Variants in PBRM1 observed in about 807,000 individuals in gnomAD.
PBRM1 encodes protein polybromo-1.
PBRM1 carries 27 observed loss-of-function variants against 194.5 expected under a neutral mutation model. That is an observed-to-expected ratio of 0.14 (90% CI 0.10 to 0.19). The LOEUF (loss-of-function observed/expected upper bound fraction) is 0.19. Among genes scored for constraint, PBRM1 ranks in the 10% least tolerant of loss-of-function variants. PBRM1 has a pLI of 1.00. For missense variants in PBRM1, 1,466 were observed against 2,077.2 expected (o/e 0.71, Z 5.72); for synonymous variants, 655 against 693.2 (o/e 0.94, Z 0.87).
intron 6 of PBRM1, among the ~76,000 whole-genome samples, chr3:52,651,364 AAAC>A (rs2096488030): frequency 6.6e-6 from 1 of 152,202 alleles, no homozygotes; most frequent in Admixed American, 6.5e-5. Flanking sequence ...AGATAAAAAT[AAAC>A]AACAGGTTAC....
exon 7 of PBRM1, chr3:52,648,441 T>C (rs2096390719): frequency 6.4e-7 from 1 of 1,573,044 alleles, no homozygotes; most frequent in Admixed American, 1.7e-5. Flanking sequence ...GTAGCTTCCA[T>C]TCTACAATAA....
In PBRM1 at chr3:52,632,686, C is replaced by CTT. The variant is rs767428790; in HGVS notation, c.1301+1914_1301+1915dup. Among the ~76,000 whole-genome samples the CTT allele has an allele frequency of 1.7e-4, 24 of 138,636 alleles. No individual in the cohort carries two copies. The East Asian group carries it at 1.9e-3, about 11-fold the overall frequency. 91.0% of individuals were successfully genotyped at this position (138,636 alleles called of 152,430 possible). On this transcript the variant is annotated intron_variant, in intron 11 of 29. Transcript: ENST00000296302. Reference sequence around the variant, plus strand: ...ATAACACAAAACTTACCACCTTGACCTTTTTTTTTTTTTTTTTTAAGAGAT... The same window carrying CTT: ...ATAACACAAAACTTACCACCTTGACCTTTTTTTTTTTTTTTTTTTTAAGAGAT...
chr3:52,685,862 C>T, upstream of PBRM1: 1 of 517,668 alleles, frequency 1.9e-6, no homozygotes, highest in South Asian at 2.4e-5. Flanking sequence ...GCCGTCGCTT[C>T]GGCACCCGCC....
At chr3:52,652,643 T>G (rs1015875409) in intron 5 of PBRM1, among the ~76,000 whole-genome samples, 3 of 150,456 alleles carry the variant, frequency 2.0e-5, no homozygotes, top group African/African-American at 7.4e-5. Context: ...CGAGCCGAGA[T>G]CATGCCACTG....
chr3:52,587,569 A>AT, intron 18 of PBRM1, 59 bp from the exon 21 acceptor site: 1 of 969,374 alleles, frequency 1.0e-6, no homozygotes. Context: ...AACAGAAATC[A>AT]CTTTTTTTTT....
At chr3:52,589,879 A>G (rs1287399700) in intron 17 of PBRM1, among the ~76,000 whole-genome samples, 1 of 152,050 alleles carries the variant, frequency 6.6e-6, no homozygotes, top group Non-Finnish European at 1.5e-5. Flanking sequence ...CCCAGGCTGG[A>G]GTGCAATGGC....
intron 17 of PBRM1, among the ~76,000 whole-genome samples, chr3:52,600,604 T>C (rs1338169558): frequency 2.0e-5 from 3 of 152,328 alleles, no homozygotes; most frequent in Non-Finnish European, 2.9e-5. Context: ...CTAAGAATTA[T>C]CTTGTATCAA....
chr3:52,640,461 G>A (rs572943523), intron 10 of PBRM1, among the ~76,000 whole-genome samples: 25 of 152,050 alleles, frequency 1.6e-4, no homozygotes, highest in Non-Finnish European at 2.4e-4. Flanking sequence ...TGTAGAGACA[G>A]CGTTTTGCCA....
At chr3:52,627,857 T>TATTC (rs999504324) in intron 12 of PBRM1, among the ~76,000 whole-genome samples, 4 of 152,336 alleles carry the variant, frequency 2.6e-5, no homozygotes, top group Admixed American at 2.0e-4. Context: ...GCTTAGGGAA[T>TATTC]GTACAGAGTA....
At chr3:52,586,748 C>CAAAAAAAAA (rs35352950) in intron 19 of PBRM1, 60 bp from the exon 22 acceptor site, 130 of 183,736 alleles carry the variant, frequency 7.1e-4, no homozygotes, top group Non-Finnish European at 8.7e-4. Flanking sequence ...GAAAATCAAT[C>CAAAAAAAAA]AAAAAAAAAA....
intron 4 of PBRM1, among the ~76,000 whole-genome samples, chr3:52,659,459 T>A (rs1316476775): frequency 6.6e-6 from 1 of 152,204 alleles, no homozygotes. Flanking sequence ...CCCCACTCTG[T>A]TGCCCAGGTT....
At chr3:52,571,972 A>G (rs143628294) in intron 22 of PBRM1, among the ~76,000 whole-genome samples, 106 of 149,784 alleles carry the variant, frequency 7.1e-4, no homozygotes, top group African/African-American at 2.4e-3. Flanking sequence ...CAGGAGTTGG[A>G]GGCTGCAGTG....
exon 1 of PBRM1, chr3:52,679,649 A>C (rs2097170522): frequency 6.2e-7 from 1 of 1,614,038 alleles, no homozygotes; most frequent in Non-Finnish European, 8.5e-7. Flanking sequence ...AATGGTGCCC[A>C]TCATCAAAGT....
At position 52,579,047 on chromosome 3, in the gene PBRM1, C is replaced by T. The variant is rs2153684289; in HGVS notation, c.3533+7G>A. 6.2e-7 allele frequency: 1 copy of T among 1,613,910 alleles called. No homozygotes were observed. Among genetic ancestry groups the T allele is most frequent in the South Asian group, 1.1e-5 (1 of 91,074 alleles). ...AACCTCATCTTCCCTAATTCAATGA[C>T]ACTCACCTGCCCACACGAGGACGCA... On this transcript the variant is annotated splice_region_variant and intron_variant, in intron 21 of 29. Coordinates refer to ENST00000296302, the Ensembl canonical transcript of PBRM1.
chr3:52,584,835 C>A (rs2092111712), intron 20 of PBRM1, among the ~76,000 whole-genome samples: 1 of 152,030 alleles, frequency 6.6e-6, no homozygotes, highest in South Asian at 2.1e-4. Context: ...TATTAAGTAA[C>A]ACTAGAACAG....
intron 25 of PBRM1, among the ~76,000 whole-genome samples, chr3:52,558,974 G>A (rs540620235): frequency 2.0e-5 from 3 of 152,134 alleles, no homozygotes; most frequent in Non-Finnish European, 4.4e-5. Flanking sequence ...GCCTCCTTCA[G>A]AAGGTTTTAG....
intron 17 of PBRM1, among the ~76,000 whole-genome samples, chr3:52,592,915 T>C (rs757958300): frequency 1.1e-4 from 16 of 152,380 alleles, no homozygotes; most frequent in Non-Finnish European, 2.2e-4. Context: ...AATTTATCCA[T>C]TTCTTCTAGA....
chr3:52,627,657 G>A (rs900651399), intron 12 of PBRM1, among the ~76,000 whole-genome samples: 3 of 152,256 alleles, frequency 2.0e-5, no homozygotes, highest in African/African-American at 4.8e-5. Flanking sequence ...GAGGCAAGCT[G>A]TAGAAGCATC....
intron 13 of PBRM1, among the ~76,000 whole-genome samples, chr3:52,618,349 T>C (rs966368155): frequency 1.1e-4 from 16 of 152,176 alleles, no homozygotes; most frequent in Admixed American, 5.2e-4. Flanking sequence ...AGAGAGCAGA[T>C]GGTCTATCTC....
Sources: gnomAD v4.1 joint callset for allele counts (sites outside exome capture counted in the v4.1 genomes callset) on GRCh38, gnomAD v4.1.1 for gene constraint, MANE v1.5 for transcripts, NCBI Gene and HGNC (gene_info 2026-07-23, HGNC 2026-07-21) for gene names.